NRXN1: variants seen among roughly 807,000 people sequenced by gnomAD.
The protein encoded by NRXN1 is neurexin-1.
Under a neutral mutation model 150.9 loss-of-function variants are expected in NRXN1, and 39 were observed. The ratio of observed to expected loss-of-function variants is 0.26; its 90% CI spans 0.20 to 0.34. The LOEUF (loss-of-function observed/expected upper bound fraction) is 0.34, where lower values mean the gene tolerates loss of function less well. Ranked by LOEUF, NRXN1 falls within the 10% of genes least tolerant of loss-of-function variation. The probability of loss-of-function intolerance (pLI) is 1.00; values close to 1 mark genes in which losing one functional copy is unlikely to be tolerated. For synonymous variants in NRXN1, 924 were observed against 757.0 expected (o/e 1.22, Z -3.62); for missense variants, 1,815 against 1,949.9 (o/e 0.93, Z 1.30).
intron 18 of NRXN1, among the ~76,000 whole-genome samples, chr2:50,106,087 A>C (rs147850541): frequency 1.0e-3 from 156 of 151,982 alleles, no homozygotes; most frequent in African/African-American, 3.5e-3. Flanking sequence ...CATAATGACC[A>C]CTTCTTAGAC....
intron 8 of NRXN1, among the ~76,000 whole-genome samples, chr2:50,565,709 T>C (rs1669746067): frequency 6.6e-6 from 1 of 152,148 alleles, no homozygotes; most frequent in East Asian, 1.9e-4. Context: ...TTTCAGCAAT[T>C]AAAGTGAATA....
intron 5 of NRXN1, among the ~76,000 whole-genome samples, chr2:50,823,791 A>G (rs566460326): frequency 2.6e-5 from 4 of 152,316 alleles, no homozygotes; most frequent in Admixed American, 2.6e-4. Context: ...AAAATGAAGG[A>G]TTCAATGTTA....
chr2:49,953,972 A>G (rs1674462968), intron 21 of NRXN1, among the ~76,000 whole-genome samples: 1 of 152,040 alleles, frequency 6.6e-6, no homozygotes, highest in Non-Finnish European at 1.5e-5. Context: ...ATGTATACCT[A>G]TGTAACAAGC....
rs563945326 is a variant in NRXN1, at chr2:50,132,328, T to C, written c.3547-40834A>G. Among the ~76,000 whole-genome samples, 5 of 129,820 alleles carry C rather than the reference T, an allele frequency of 3.9e-5. No individual in the cohort carries two copies. The East Asian group carries it at 1.1e-3, about 29-fold the overall frequency. 85.2% of individuals were successfully genotyped at this position (129,820 alleles called of 152,430 possible). ...ACTCTTTTTTTTTTTTTTTTTAAGA[T>C]GGAGTCTTGCTCTGTCGCCCAGGCT... On this transcript the variant is annotated intron_variant, in intron 18 of 22. Coordinates refer to ENST00000401669, the MANE Select transcript of NRXN1 (RefSeq NM_001330078.2).
chr2:50,299,421 TTTTTA>T (rs2073948740), intron 17 of NRXN1, among the ~76,000 whole-genome samples: 1 of 138,530 alleles, frequency 7.2e-6, no homozygotes, highest in South Asian at 2.4e-4. Context: ...TTTTTTTTTT[TTTTTA>T]AAACTGACTT....
intron 5 of NRXN1, among the ~76,000 whole-genome samples, chr2:50,707,075 T>C (rs572773823): frequency 2.0e-5 from 3 of 152,312 alleles, no homozygotes; most frequent in Non-Finnish European, 4.4e-5. Context: ...GTCATACATT[T>C]TCATTCACCT....
At chr2:49,974,433 C>T (rs1182919962) in intron 21 of NRXN1, among the ~76,000 whole-genome samples, 2 of 152,142 alleles carry the variant, frequency 1.3e-5, no homozygotes, top group African/African-American at 4.8e-5. Context: ...TTTTCATGCA[C>T]GAACATTTTC....
At chr2:50,032,209 A>G (rs1441385951) in intron 21 of NRXN1, among the ~76,000 whole-genome samples, 2 of 152,074 alleles carry the variant, frequency 1.3e-5, no homozygotes, top group Admixed American at 1.3e-4. Flanking sequence ...AGACAGGAAA[A>G]GCACCTTTAT....
intron 2 of NRXN1, among the ~76,000 whole-genome samples, chr2:50,931,941 A>G (rs1019771997): frequency 2.0e-5 from 3 of 151,812 alleles, no homozygotes; most frequent in African/African-American, 7.3e-5. Flanking sequence ...GGCTCACTGC[A>G]GCCTCTGTCT....
chr2:50,204,216 T>G (rs200641117), intron 18 of NRXN1, among the ~76,000 whole-genome samples: 12 of 152,184 alleles, frequency 7.9e-5, no homozygotes, highest in East Asian at 5.8e-4. Flanking sequence ...CTAGGTGAAG[T>G]TAAAATTTGA....
At chr2:50,522,921 A>G (rs2092835952) in intron 12 of NRXN1, among the ~76,000 whole-genome samples, 5 of 150,398 alleles carry the variant, frequency 3.3e-5, no homozygotes, top group Admixed American at 2.6e-4. Flanking sequence ...TTTAGTAGAG[A>G]CGGGGTTTCA....
intron 5 of NRXN1, among the ~76,000 whole-genome samples, chr2:50,881,509 T>C (rs1679426813): frequency 6.6e-6 from 1 of 151,934 alleles, no homozygotes; most frequent in Non-Finnish European, 1.5e-5. Context: ...AGCTTTGTTG[T>C]CATGCTGTTG....
chr2:50,940,473 C>CAAAAA (rs748999405), intron 2 of NRXN1, among the ~76,000 whole-genome samples: 13 of 74,924 alleles, frequency 1.7e-4, no homozygotes, highest in Admixed American at 1.6e-4. Context: ...GACTCCATCT[C>CAAAAA]AAAAAAAAAA....
At chr2:50,773,968 C>T (rs1375769791) in intron 5 of NRXN1, among the ~76,000 whole-genome samples, 2 of 152,052 alleles carry the variant, frequency 1.3e-5, no homozygotes, top group Non-Finnish European at 2.9e-5. Context: ...AGTATCTAGG[C>T]TACCTAGTAA....
At chr2:49,995,780 C>CAAAAAAA (rs1163315598) in intron 21 of NRXN1, among the ~76,000 whole-genome samples, 2 of 36,378 alleles carry the variant, frequency 5.5e-5, no homozygotes, top group African/African-American at 9.7e-5. Flanking sequence ...GACTCCGTCT[C>CAAAAAAA]AAAAAAAAAA....
At chr2:50,728,469 T>C (rs1697672519) in intron 5 of NRXN1, among the ~76,000 whole-genome samples, 1 of 152,220 alleles carries the variant, frequency 6.6e-6, no homozygotes, top group Non-Finnish European at 1.5e-5. Flanking sequence ...TATGTGTGTG[T>C]ATGTGTATGT....
At chr2:50,864,200 T>C (rs1238102077) in intron 5 of NRXN1, among the ~76,000 whole-genome samples, 1 of 151,998 alleles carries the variant, frequency 6.6e-6, no homozygotes, top group Non-Finnish European at 1.5e-5. Context: ...TTCATCCATT[T>C]AAGAAATCTT....
intron 17 of NRXN1, among the ~76,000 whole-genome samples, chr2:50,265,251 G>T (rs944346059): frequency 6.6e-6 from 1 of 151,468 alleles, no homozygotes; most frequent in African/African-American, 2.4e-5. Context: ...AACAAACACC[G>T]AAAAAAAATG....
intron 2 of NRXN1, among the ~76,000 whole-genome samples, chr2:50,945,358 A>G (rs1228539155): frequency 6.6e-6 from 1 of 151,998 alleles, no homozygotes; most frequent in East Asian, 1.9e-4. Context: ...CAGCTACTGA[A>G]GAGGCTGAGG....
Sources: gnomAD v4.1 joint callset for allele counts (sites outside exome capture counted in the v4.1 genomes callset) on GRCh38, gnomAD v4.1.1 for gene constraint, MANE v1.5 for transcripts, NCBI Gene and HGNC (gene_info 2026-07-23, HGNC 2026-07-21) for gene names.